Variants in INSR observed in about 807,000 individuals in gnomAD.
The protein encoded by INSR is IR.
A neutral mutation model predicts 142.6 loss-of-function variants in INSR; 67 were observed. That is an observed-to-expected ratio of 0.47 (90% confidence interval 0.39 to 0.58). The LOEUF is 0.58. Ranked by LOEUF, INSR falls within the 20% of genes least tolerant of loss-of-function variation. The pLI, the probability that INSR is intolerant of heterozygous loss-of-function variation, is 0.00. For synonymous variants in INSR, 756 were observed against 743.1 expected (o/e 1.02, Z -0.28); for missense variants, 1,248 against 1,833.2 (o/e 0.68, Z 5.83).
chr19:7,157,141 C>T (rs1488253829), intron 9 of INSR, among the ~76,000 whole-genome samples: 7 of 152,112 alleles, frequency 4.6e-5, no homozygotes, highest in South Asian at 2.1e-4. Flanking sequence ...CCACCATGCC[C>T]GGCTAATTTT....
chr19:7,268,152 T>G (rs1967797949), intron 1 of INSR, among the ~76,000 whole-genome samples: 1 of 152,008 alleles, frequency 6.6e-6, no homozygotes, highest in Non-Finnish European at 1.5e-5. Flanking sequence ...AATCACCACC[T>G]CTGAAATGAT....
chr19:7,158,317 G>A (rs1035049160), intron 9 of INSR, among the ~76,000 whole-genome samples: 14 of 151,832 alleles, frequency 9.2e-5, no homozygotes, highest in South Asian at 4.2e-4. Flanking sequence ...TGGCTAACAT[G>A]GTGAAACCCC....
At chr19:7,242,251 C>T (rs1039119867) in intron 2 of INSR, among the ~76,000 whole-genome samples, 5 of 151,756 alleles carry the variant, frequency 3.3e-5, no homozygotes. Flanking sequence ...TTCCTGTAGC[C>T]CCAGCTACTT....
intron 1 of INSR, chr19:7,268,388 C>T: frequency 3.1e-6 from 3 of 973,772 alleles, no homozygotes; most frequent in Non-Finnish European, 3.7e-6. Context: ...TCCTGACCTG[C>T]AATCAAGACC....
At position 7,192,993 on chromosome 19, in the gene INSR, A is replaced by C. The variant is rs1008194487; in HGVS notation, c.653-8356T>G. Among the ~76,000 whole-genome samples, 23 of 152,206 alleles carry C rather than the reference A, an allele frequency of 1.5e-4. No individual in the cohort carries two copies. The highest frequency in any genetic ancestry group is 5.5e-4 in the African/African-American group (23 of 41,464). On this transcript the variant is annotated intron_variant, in intron 2 of 21. Coordinates refer to ENST00000302850, the MANE Select transcript of INSR (RefSeq NM_000208.4). This position sits in a 1 kb window ranked among gnomAD's most constrained non-coding sequence, Gnocchi z 4.2. ...CCAAGAAAGACAATGTCCCCACTAAAGGACCCCTTCCCTAGACAGAGGGAG... is the reference window on the plus strand; with the variant it reads ...CCAAGAAAGACAATGTCCCCACTAACGGACCCCTTCCCTAGACAGAGGGAG...
chr19:7,217,791 C>T (rs1051260682), intron 2 of INSR, among the ~76,000 whole-genome samples: 1 of 152,224 alleles, frequency 6.6e-6, no homozygotes, highest in African/African-American at 2.4e-5. Flanking sequence ...GATCTCCTGA[C>T]CTCGTGATCC....
intron 1 of INSR, among the ~76,000 whole-genome samples, chr19:7,278,507 C>T (rs1399040152): frequency 2.0e-5 from 3 of 152,194 alleles, no homozygotes; most frequent in African/African-American, 7.2e-5. Context: ...TTCCAGGGAT[C>T]ATGGACCCAC....
At chr19:7,250,429 G>T (rs1976680358) in intron 2 of INSR, among the ~76,000 whole-genome samples, 1 of 116,082 alleles carries the variant, frequency 8.6e-6, no homozygotes, top group African/African-American at 3.2e-5. Context: ...AAGCAAGGAA[G>T]AAAGAAGAAA....
chr19:7,179,142 G>A (rs531483117), intron 3 of INSR, among the ~76,000 whole-genome samples: 2 of 152,290 alleles, frequency 1.3e-5, no homozygotes, highest in South Asian at 4.1e-4. Context: ...GAACCTCTGG[G>A]CTCAAGTGAG....
In INSR at chr19:7,166,227, C is replaced by T; in HGVS notation, c.1788G>A (p.Leu596=). 1.2e-6 allele frequency: 2 copies of T among 1,614,050 alleles called. No homozygotes were observed. The highest frequency in any genetic ancestry group is 1.7e-6 in the Non-Finnish European group (2 of 1,180,026). ...TCCGGCGTTCATCCGAAAAGGTGAC[C>T]AGGGTCTTCACAAAGATGGCATACT... ...WTQYAIFVKT[L]VTFSDERRTY... Residue 596 remains leucine (L), a synonymous_variant, in exon 8 of 22, where the codon CTG becomes CTA. Transcript: ENST00000302850. The surrounding 1 kb of genome is among the most constrained non-coding windows in gnomAD (Gnocchi z 4.1).
chr19:7,294,097 C>T lies in INSR; in HGVS notation c.-206G>A. ...CGCGCGGCTTCGCCAGCTACAAATA[C>T]TGAGCGGAGGCCCTTGCGGTGGTGG... On this transcript the variant is annotated 5_prime_UTR_variant, in exon 1 of 22. Coordinates refer to ENST00000302850, the MANE Select transcript of INSR (RefSeq NM_000208.4). The T allele has an allele frequency of 3.1e-6, 1 of 318,352 alleles. No individual in the cohort carries two copies. Among genetic ancestry groups the T allele is most frequent in the Non-Finnish European group, 4.9e-6 (1 of 202,570 alleles). 19.7% of individuals were successfully genotyped at this position (318,352 alleles called of 1,614,324 possible).
chr19:7,290,794 A>T (rs1010090661), intron 1 of INSR, among the ~76,000 whole-genome samples: 2 of 148,866 alleles, frequency 1.3e-5, no homozygotes, highest in Non-Finnish European at 3.0e-5. Context: ...AAAAAAGGCC[A>T]GGTACGGTGG....
At chr19:7,220,376 C>G (rs1050458719) in intron 2 of INSR, among the ~76,000 whole-genome samples, 2 of 152,154 alleles carry the variant, frequency 1.3e-5, no homozygotes, top group Non-Finnish European at 2.9e-5. Context: ...CTGCAACCTC[C>G]GCCTCCCGGG....
At chr19:7,160,409 AG>A (rs1392461278) in intron 9 of INSR, among the ~76,000 whole-genome samples, 1 of 151,470 alleles carries the variant, frequency 6.6e-6, no homozygotes, top group Non-Finnish European at 1.5e-5. Context: ...GGCCTCCCAA[AG>A]TGCTGGGATT....
At chr19:7,148,415 T>C (rs1472569035) in intron 11 of INSR, among the ~76,000 whole-genome samples, 2 of 151,600 alleles carry the variant, frequency 1.3e-5, no homozygotes, top group African/African-American at 4.8e-5. Flanking sequence ...TGTTGGACAG[T>C]GCCCTAGAAT....
chr19:7,178,091 A>G (rs1974182096), intron 3 of INSR, among the ~76,000 whole-genome samples: 1 of 151,966 alleles, frequency 6.6e-6, no homozygotes, highest in Admixed American at 6.6e-5. Context: ...CTGGGTATTC[A>G]ACTCTTCAGA....
chr19:7,267,951 C>T lies in INSR; in HGVS notation c.101-55G>A. 6.9e-7 allele frequency: 1 copy of T among 1,450,152 alleles called. No homozygotes were observed. Among genetic ancestry groups the T allele is most frequent in the Non-Finnish European group, 9.6e-7 (1 of 1,043,570 alleles). 89.8% of individuals were successfully genotyped at this position (1,450,152 alleles called of 1,614,324 possible). A position where few individuals can be genotyped will look rare whatever the true frequency, so the allele number is the denominator to read the frequency against. ...CAGGTGAGCAGACGCACGGTGGATG[C>T]ATCAGAAGGATCAGGGGCAGAGCCG... On this transcript the variant is annotated intron_variant, in intron 1 of 21. Transcript: ENST00000302850. The surrounding 1 kb of genome is among the most constrained non-coding windows in gnomAD (Gnocchi z 6.3).
rs386388474 is a variant in INSR, at chr19:7,182,908, CA to C, written c.974+1407del. 5.0e-3 allele frequency among the ~76,000 whole-genome samples: 410 copies of C among 81,246 alleles called. 2 individuals carry two copies. The highest frequency in any genetic ancestry group is 0.013 in the African/African-American group (227 of 18,018). The allele number at this position is 81,246 out of a possible 152,430, so 53.3% of individuals were successfully genotyped here. Reference sequence around the variant, plus strand: ...TCCTCAATCTTGGGAATACACTGGCCAAAAAAAAAAAAAAAAACCTAAAACA... The same window carrying C: ...TCCTCAATCTTGGGAATACACTGGCCAAAAAAAAAAAAAAAACCTAAAACA... On this transcript the variant is annotated intron_variant, in intron 3 of 21. Transcript: ENST00000302850.
intron 2 of INSR, among the ~76,000 whole-genome samples, chr19:7,235,167 C>T (rs1311904112): frequency 6.6e-6 from 1 of 152,092 alleles, no homozygotes; most frequent in African/African-American, 2.4e-5. Flanking sequence ...TCAGTCAGCC[C>T]TGACTTCTCC....
Sources: allele counts gnomAD v4.1 joint callset (sites outside exome capture counted in the v4.1 genomes callset), GRCh38; gene constraint gnomAD v4.1.1; non-coding constraint Gnocchi (gnomAD v3.1); transcripts MANE v1.5; gene names NCBI Gene and HGNC (gene_info 2026-07-23, HGNC 2026-07-21).